Variants in ABI3BP observed in about 807,000 individuals in gnomAD.
ABI3BP encodes ABI family member 3 binding protein.
A neutral mutation model predicts 268.6 loss-of-function variants in ABI3BP; 216 were observed. The observed-to-expected ratio is 0.80, with a 90% CI of 0.72 to 0.90. The LOEUF is 0.90. Among genes scored for constraint, ABI3BP ranks in the 40% least tolerant of loss-of-function variants. The pLI is 0.00. For synonymous variants in ABI3BP, 730 were observed against 730.0 expected, an observed-to-expected ratio of 1.00 and a Z score of 0.00; for missense variants, 2,090 against 2,182.4, an observed-to-expected ratio of 0.96 and a Z score of 0.84.
At chr3:100,753,388 T>G (rs2095441986) in intron 65 of ABI3BP, among the ~76,000 whole-genome samples, 1 of 151,658 alleles carries the variant, frequency 6.6e-6, no homozygotes, top group African/African-American at 2.4e-5. Context: ...TGGGCTCAAG[T>G]GAACATCCCA....
intron 55 of ABI3BP, among the ~76,000 whole-genome samples, chr3:100,791,135 C>T (rs984570771): frequency 1.3e-5 from 2 of 151,730 alleles, no homozygotes; most frequent in South Asian, 2.1e-4. Flanking sequence ...TCAGCATGTA[C>T]AAATATGTTA....
Position 100,846,432 on chromosome 3 carries a change from G to T in ABI3BP, c.1663C>A (p.Gln555Lys). The change falls in exon 20 of 68, where the codon CAA (glutamine) becomes AAA (lysine). Residue 555 changes from glutamine (Q) to lysine (K), a missense_variant. Coordinates refer to ENST00000471714, the MANE Select transcript of ABI3BP (RefSeq NM_001375547.2). ...ATTTTAGGTTTCAGAGAAATAAATTGTGTTTTACCGGGAGCTGGAAAAATA... is the reference window on the plus strand; with the variant it reads ...ATTTTAGGTTTCAGAGAAATAAATTTTGTTTTACCGGGAGCTGGAAAAATA... ...TWTTPAPGKT[Q>K]FISLKPKIPL... 6.3e-7 allele frequency: 1 copy of T among 1,594,222 alleles called. No homozygotes were observed. Among genetic ancestry groups the T allele is most frequent in the Admixed American group, 1.7e-5 (1 of 57,632 alleles).
intron 62 of ABI3BP, among the ~76,000 whole-genome samples, chr3:100,767,203 A>G (rs201396370): frequency 1.3e-5 from 2 of 152,168 alleles, no homozygotes; most frequent in East Asian, 3.9e-4. Context: ...GCTTCTCAAA[A>G]GTGTTGGGAT....
At chr3:100,834,119 C>T (rs921517594) in intron 29 of ABI3BP, among the ~76,000 whole-genome samples, 3 of 152,140 alleles carry the variant, frequency 2.0e-5, no homozygotes, top group Non-Finnish European at 2.9e-5. Context: ...TACAGGTGCA[C>T]ATCACCATAT....
chr3:100,752,358 T>G (rs1259221711), intron 66 of ABI3BP: 1 of 155,090 alleles, frequency 6.4e-6, no homozygotes, highest in Admixed American at 6.4e-5. Flanking sequence ...AAATTTTTAC[T>G]CTGTAAATAT....
chr3:100,792,878 A>G (rs1372444131), intron 54 of ABI3BP, 110 bp from the exon 55 acceptor site: 3 of 862,008 alleles, frequency 3.5e-6, no homozygotes, highest in African/African-American at 3.4e-5. Flanking sequence ...GATAAGTTGC[A>G]TTTAGAAATA....
chr3:100,949,115 A>G (rs918025533), intron 1 of ABI3BP, among the ~76,000 whole-genome samples: 5 of 152,126 alleles, frequency 3.3e-5, no homozygotes, highest in African/African-American at 1.2e-4. Context: ...ATATAGCTTT[A>G]TATCTTTATT....
At chr3:100,813,477 A>G (rs73135505) in intron 45 of ABI3BP, among the ~76,000 whole-genome samples, 184 bp downstream of exon 45, 21,032 of 152,242 alleles carry the variant, frequency 0.14, 1,882 homozygotes, top group South Asian at 0.27. Context: ...ATACATTCAA[A>G]TAGTAATATT....
chr3:100,930,559 A>G (rs1159969920), intron 1 of ABI3BP, among the ~76,000 whole-genome samples: 1 of 152,094 alleles, frequency 6.6e-6, no homozygotes, highest in Non-Finnish European at 1.5e-5. Context: ...CTCAGAGACT[A>G]TTACAAATAC....
chr3:100,789,474 T>C lies in ABI3BP; in HGVS notation c.4067A>G (p.Asp1356Gly), dbSNP rs2097140449. 1.9e-6 allele frequency: 3 copies of C among 1,601,546 alleles called. No homozygotes were observed. The highest frequency in any genetic ancestry group is 2.6e-6 in the Non-Finnish European group (3 of 1,173,668). Residue 1356 changes from aspartate to glycine, a missense_variant, in exon 56 of 68, where the codon GAC becomes GGC. Physicochemically the swap from Asp to Gly is moderately conservative, Grantham distance 94. Transcript: ENST00000471714. ...FYTTVRPRTS[D>G]KPHIRPVLNR... is the part of the protein sequence containing the mutation. ...CTTACCAGGTCTGATGTGTGGCTTG[T>C]CAGATGTTCTGGGCCTCACAGTAGT...
chr3:100,832,958 G>A (rs1038146515), intron 30 of ABI3BP, among the ~76,000 whole-genome samples, 167 bp downstream of exon 30: 3 of 152,118 alleles, frequency 2.0e-5, no homozygotes, highest in African/African-American at 7.2e-5. Context: ...TAGCTGTCTT[G>A]AATTAAGTCA....
At chr3:100,844,784 G>C (rs1052343402) in intron 20 of ABI3BP, among the ~76,000 whole-genome samples, 1 of 152,152 alleles carries the variant, frequency 6.6e-6, no homozygotes, top group Non-Finnish European at 1.5e-5. Context: ...AGGAAAAGGG[G>C]TGGATTTTCT....
Position 100,839,617 on chromosome 3 carries a change from C to T in ABI3BP, c.1898-1G>A. 2.0e-6 allele frequency: 3 copies of T among 1,535,754 alleles called. No homozygotes were observed. The highest frequency in any genetic ancestry group is 2.6e-6 in the Non-Finnish European group (3 of 1,146,660). ...GGTTGTATCGTGGCAGGTTCCAGAG[C>T]TACAGAAGCAAATACCAAAAACATG... is the stretch of plus-strand genomic sequence containing the variant. On this transcript the variant is annotated splice_acceptor_variant, in intron 23 of 67. Coordinates refer to ENST00000471714, the MANE Select transcript of ABI3BP (RefSeq NM_001375547.2). LOFTEE classifies it high-confidence loss of function.
intron 12 of ABI3BP, 53 bp from the exon 13 acceptor site, chr3:100,862,962 AG>A: frequency 1.5e-6 from 2 of 1,362,974 alleles, no homozygotes; most frequent in Non-Finnish European, 2.0e-6. Flanking sequence ...GTAACAGGAA[AG>A]ATTTTTAAAA....
At chr3:100,762,213 G>A (rs2096007506) in intron 63 of ABI3BP, among the ~76,000 whole-genome samples, 1 of 152,104 alleles carries the variant, frequency 6.6e-6, no homozygotes, top group Admixed American at 6.5e-5. Flanking sequence ...TGGTTGGGTA[G>A]AAGAAACACA....
chr3:100,911,232 G>A, intron 2 of ABI3BP: 1 of 360,470 alleles, frequency 2.8e-6, no homozygotes, highest in South Asian at 4.0e-5. Flanking sequence ...AGGTCAGTTT[G>A]GCTACTACAT....
intron 1 of ABI3BP, among the ~76,000 whole-genome samples, chr3:100,947,890 C>A (rs1206595860): frequency 6.6e-6 from 1 of 152,064 alleles, no homozygotes; most frequent in Non-Finnish European, 1.5e-5. Flanking sequence ...GGTGCCCAAA[C>A]CTTCAATAGC....
intron 4 of ABI3BP, among the ~76,000 whole-genome samples, chr3:100,893,334 T>C (rs190624841): frequency 1.3e-5 from 2 of 152,160 alleles, no homozygotes; most frequent in South Asian, 4.2e-4. Context: ...CGGCCTGTTA[T>C]GAAACCTCAA....
At chr3:100,832,125 A>G in intron 31 of ABI3BP, 139 bp downstream of exon 31, 1 of 686,330 alleles carries the variant, frequency 1.5e-6, no homozygotes. Flanking sequence ...TAAGCTATTC[A>G]TGTTCTCCTC....
Sources: allele counts gnomAD v4.1 joint callset (sites outside exome capture counted in the v4.1 genomes callset), GRCh38; gene constraint gnomAD v4.1.1; transcripts MANE v1.5; gene names NCBI Gene and HGNC (gene_info 2026-07-23, HGNC 2026-07-21).